GMPR: variants seen among roughly 807,000 people sequenced by gnomAD.
The protein encoded by GMPR is guanosine monophosphate reductase.
A neutral mutation model predicts 38.4 loss-of-function variants in GMPR; 31 were observed. The observed-to-expected ratio is 0.81, with a 90% CI of 0.61 to 1.09. GMPR has a LOEUF of 1.09. Among genes scored for constraint, GMPR ranks in the 50% least tolerant of loss-of-function variants. The probability of loss-of-function intolerance (pLI) is 0.00; values close to 1 mark genes in which losing one functional copy is unlikely to be tolerated. For synonymous variants in GMPR, 162 were observed against 173.3 expected (o/e 0.93, Z 0.51); for missense variants, 468 against 453.7 (o/e 1.03, Z -0.29).
At chr6:16,272,198 C>T (rs1759400137) in intron 4 of GMPR, among the ~76,000 whole-genome samples, 1 of 152,106 alleles carries the variant, frequency 6.6e-6, no homozygotes, top group Non-Finnish European at 1.5e-5. Flanking sequence ...CAGAGCAAGA[C>T]TCCATCTCAA....
intron 5 of GMPR, among the ~76,000 whole-genome samples, chr6:16,276,879 A>G (rs1400004626): frequency 2.6e-5 from 4 of 152,298 alleles, no homozygotes; most frequent in African/African-American, 9.6e-5. Context: ...GTATGCACCA[A>G]CTTCTTCTTT....
At chr6:16,268,617 G>A (rs1052123382) in intron 4 of GMPR, among the ~76,000 whole-genome samples, 3 of 152,170 alleles carry the variant, frequency 2.0e-5, no homozygotes, top group African/African-American at 7.2e-5. Flanking sequence ...GCACATCACA[G>A]CCTGTGGGCC....
chr6:16,251,992 T>G (rs114787025), intron 3 of GMPR, among the ~76,000 whole-genome samples: 2,477 of 152,302 alleles, frequency 0.016, 39 homozygotes, highest in Non-Finnish European at 0.022. Context: ...CATTTATGAT[T>G]GGAAAATGAC....
intron 5 of GMPR, among the ~76,000 whole-genome samples, chr6:16,278,045 G>GGGACAGGACTGGGGCTGGAACA (rs1759506211): frequency 6.6e-6 from 1 of 152,328 alleles, no homozygotes; most frequent in African/African-American, 2.4e-5. Flanking sequence ...GACTGGGGCT[G>GGGACAGGACTGGGGCTGGAACA]ACCGTGGGAC....
chr6:16,265,378 C>T (rs528325709), intron 4 of GMPR, among the ~76,000 whole-genome samples: 1 of 152,310 alleles, frequency 6.6e-6, no homozygotes, highest in East Asian at 1.9e-4. Context: ...AGAGCTGGAC[C>T]TGGCATTTAG....
intron 1 of GMPR, 95 bp downstream of exon 1, chr6:16,238,875 C>A: frequency 1.9e-6 from 1 of 519,618 alleles, no homozygotes; most frequent in Non-Finnish European, 3.3e-6. Context: ...GGTTACCCTG[C>A]CTGCTTTGGT....
Position 16,295,494 on chromosome 6 carries a change from C to G in GMPR, c.*308C>G. The G allele has an allele frequency of 3.9e-6, 1 of 259,058 alleles. No individual in the cohort carries two copies. The highest frequency in any genetic ancestry group is 7.2e-6 in the Non-Finnish European group (1 of 138,518). The allele number at this position is 259,058 out of a possible 1,614,324, so 16.0% of individuals were successfully genotyped here. On this transcript the variant is annotated 3_prime_UTR_variant, in exon 9 of 9. Transcript: ENST00000259727. ...TCTCTCCCTTTCTTTGTTTTTCTTT[C>G]TTTTTTAAAAGAAGATGGTTTCACT...
At chr6:16,267,545 C>A (rs368377345) in intron 4 of GMPR, among the ~76,000 whole-genome samples, 18 of 152,226 alleles carry the variant, frequency 1.2e-4, no homozygotes, top group African/African-American at 4.3e-4. Context: ...AGACCATGAA[C>A]CCACCAGAAG....
chr6:16,266,401 AAG>A (rs1031771241), intron 4 of GMPR, among the ~76,000 whole-genome samples: 1 of 112,216 alleles, frequency 8.9e-6, no homozygotes, highest in Non-Finnish European at 1.8e-5. Flanking sequence ...TGCCACCTTT[AAG>A]AGCTGTAACA....
In GMPR at chr6:16,278,872, G is replaced by C. The variant is rs1266726649; in HGVS notation, c.636G>C (p.Leu212=). 6.2e-7 allele frequency: 1 copy of C among 1,609,684 alleles called. No homozygotes were observed. Among genetic ancestry groups the C allele is most frequent in the Admixed American group, 1.7e-5 (1 of 60,004 alleles). The change falls in exon 6 of 9, where the codon CTG becomes CTC. Residue 212 remains leucine (L), a synonymous_variant. Transcript: ENST00000259727. The part of the protein sequence containing the change: ...VIECADSAHG[L]KGHIISDGGC... ...AGTGTGCCGACTCTGCCCATGGCCT[G>C]AAGGGCCACATCATCTCTGTGAGTC...
intron 1 of GMPR, 22 bp from the exon 2 acceptor site, chr6:16,246,819 CT>C: frequency 6.2e-7 from 1 of 1,605,910 alleles, no homozygotes; most frequent in Non-Finnish European, 8.5e-7. Context: ...TTCCCTTTTT[CT>C]TTCTTTTTTT....
At chr6:16,246,211 G>C (rs1461158399) in intron 1 of GMPR, among the ~76,000 whole-genome samples, 1 of 152,178 alleles carries the variant, frequency 6.6e-6, no homozygotes, top group Non-Finnish European at 1.5e-5. Context: ...CCGATAGCAA[G>C]GTTAGTCCTA....
At chr6:16,267,118 C>T (rs1759264191) in intron 4 of GMPR, among the ~76,000 whole-genome samples, 1 of 152,036 alleles carries the variant, frequency 6.6e-6, no homozygotes, top group Admixed American at 6.5e-5. Context: ...AATCCCGGCA[C>T]TTTGGGAGGC....
intron 6 of GMPR, among the ~76,000 whole-genome samples, chr6:16,281,091 T>C (rs1581663469): frequency 6.6e-6 from 1 of 152,330 alleles, no homozygotes; most frequent in South Asian, 2.1e-4. Context: ...TAATTTATAG[T>C]GTATCTCAGC....
At chr6:16,248,412 G>C (rs1758802548) in intron 2 of GMPR, among the ~76,000 whole-genome samples, 2 of 151,278 alleles carry the variant, frequency 1.3e-5, no homozygotes, top group South Asian at 4.2e-4. Context: ...CTGCATCCTA[G>C]ATGTGGAATG....
At chr6:16,250,984 G>T (rs7751061) in intron 3 of GMPR, among the ~76,000 whole-genome samples, 4,210 of 152,280 alleles carry the variant, frequency 0.028, 85 homozygotes, top group African/African-American at 0.058. Context: ...ACAGTTGTCA[G>T]TTCCTGGAAC....
chr6:16,284,661 C>T (rs894459056), intron 6 of GMPR, among the ~76,000 whole-genome samples: 1 of 152,096 alleles, frequency 6.6e-6, no homozygotes, highest in South Asian at 2.1e-4. Flanking sequence ...CCTTGAATTG[C>T]GCCCAGGCTA....
intron 3 of GMPR, among the ~76,000 whole-genome samples, chr6:16,253,332 A>C (rs1219087949): frequency 6.6e-6 from 1 of 152,260 alleles, no homozygotes; most frequent in African/African-American, 2.4e-5. Flanking sequence ...GAAATACCTG[A>C]AACTGGGTAA....
At chr6:16,285,175 C>T (rs757562773) in intron 6 of GMPR, among the ~76,000 whole-genome samples, 4 of 152,160 alleles carry the variant, frequency 2.6e-5, no homozygotes, top group Non-Finnish European at 4.4e-5. Context: ...GGCCCTGCTA[C>T]ACATTAAACC....
Sources: allele counts gnomAD v4.1 joint callset (sites outside exome capture counted in the v4.1 genomes callset), GRCh38; gene constraint gnomAD v4.1.1; transcripts MANE v1.5; gene names NCBI Gene and HGNC (gene_info 2026-07-23, HGNC 2026-07-21).